Variants in SH3RF3 observed in about 807,000 individuals in gnomAD.
The protein encoded by SH3RF3 is E3 ubiquitin-protein ligase SH3RF3.
In SH3RF3, 29 loss-of-function variants were observed where a neutral mutation model predicts 66.3. That is an observed-to-expected ratio of 0.44 (90% CI 0.33 to 0.60). SH3RF3 has a LOEUF of 0.60. SH3RF3 is among the 20% of genes least tolerant of loss of function. The probability of loss-of-function intolerance (pLI) is 0.04; values close to 1 mark genes in which losing one functional copy is unlikely to be tolerated. For synonymous variants in SH3RF3, 583 were observed against 532.0 expected, an observed-to-expected ratio of 1.10 and a Z score of -1.32; for missense variants, 1,194 against 1,190.9, an observed-to-expected ratio of 1.00 and a Z score of -0.04.
intron 1 of SH3RF3, among the ~76,000 whole-genome samples, chr2:109,197,336 A>AGAAGGGAAGG (rs151267295): frequency 2.0e-5 from 3 of 152,140 alleles, no homozygotes; most frequent in African/African-American, 7.2e-5. Context: ...GGAGGGGTTA[A>AGAAGGGAAGG]GAAGGGAAGG....
intron 1 of SH3RF3, among the ~76,000 whole-genome samples, chr2:109,322,194 A>G (rs1386600690): frequency 3.3e-5 from 5 of 152,212 alleles, no homozygotes; most frequent in African/African-American, 9.6e-5. Context: ...CGCCCCTTCA[A>G]GCATTCTGGA....
chr2:109,231,851 AG>A (rs926167638), intron 1 of SH3RF3, among the ~76,000 whole-genome samples: 5 of 152,194 alleles, frequency 3.3e-5, no homozygotes, highest in African/African-American at 1.2e-4. Context: ...TTTGCCATTA[AG>A]AAAAACAGCT....
At chr2:109,268,592 G>A (rs1055551968) in intron 1 of SH3RF3, among the ~76,000 whole-genome samples, 4 of 152,242 alleles carry the variant, frequency 2.6e-5, no homozygotes, top group Admixed American at 2.6e-4. Context: ...CCAGGGAGAG[G>A]TCCCCCACTG....
Position 109,129,260 on chromosome 2 carries a change from G to A in SH3RF3, c.-281G>A. The stretch of plus-strand genomic sequence containing the variant: ...CACCCCCGGTCCCCCGCGCGGGGCG[G>A]ACTTGCGGCGGGACAGGTGTAGCCC... On this transcript the variant is annotated 5_prime_UTR_variant, in exon 1 of 10. Transcript: ENST00000309415. The A allele has an allele frequency of 1.7e-6, 1 of 591,106 alleles. No homozygotes were observed. Among genetic ancestry groups the A allele is most frequent in the Non-Finnish European group, 3.0e-6 (1 of 333,984 alleles). 36.6% of individuals were successfully genotyped at this position (591,106 alleles called of 1,614,324 possible). A position where few individuals can be genotyped will look rare whatever the true frequency, so the allele number is the denominator to read the frequency against.
At chr2:109,221,543 G>A (rs1679241400) in intron 1 of SH3RF3, among the ~76,000 whole-genome samples, 1 of 146,264 alleles carries the variant, frequency 6.8e-6, no homozygotes, top group Non-Finnish European at 1.5e-5. Flanking sequence ...GATCGCGCCA[G>A]TGCACTCCAG....
rs1015989235 is a variant in SH3RF3 at position 109,419,761 on chromosome 2, T to C, written c.1403+119T>C. 29 of 893,976 alleles carry C rather than the reference T, an allele frequency of 3.2e-5. No homozygotes were observed. The African/African-American group carries it at 4.7e-4, about 14-fold the overall frequency. 55.4% of individuals were successfully genotyped at this position (893,976 alleles called of 1,614,324 possible). On this transcript the variant is annotated intron_variant, in intron 5 of 9. Coordinates refer to ENST00000309415, the MANE Select transcript of SH3RF3 (RefSeq NM_001099289.3). ...CCCATGTGTTACTAGTTGGCCAGTA[T>C]AGTTATGTGCGTCTAATAACACCGC...
chr2:109,455,079 C>T (rs1678002122), intron 8 of SH3RF3, among the ~76,000 whole-genome samples: 1 of 152,174 alleles, frequency 6.6e-6, no homozygotes, highest in African/African-American at 2.4e-5. Context: ...AGAGACTTGC[C>T]TGGGGCCACA....
chr2:109,449,403 G>A lies in SH3RF3; in HGVS notation c.2062G>A (p.Glu688Lys). The A allele has an allele frequency of 6.2e-7, 1 of 1,613,456 alleles. No individual in the cohort carries two copies. The change falls in exon 8 of 10, where the codon GAG (glutamate) becomes AAG (lysine). Residue 688 changes from glutamate to lysine, a missense_variant. Physicochemically the swap from Glu to Lys is moderately conservative, Grantham distance 56. Transcript: ENST00000309415. ...CGTCAGTGCCGCAAACCTCAACGGG[G>A]AGGCTGGAGGGGGGCCCATCGGTGT... is the stretch of plus-strand genomic sequence containing the variant. ...PNVSAANLNG[E>K]AGGGPIGVLS...
chr2:109,373,654 G>A (rs1288102184), intron 3 of SH3RF3, among the ~76,000 whole-genome samples: 1 of 152,176 alleles, frequency 6.6e-6, no homozygotes, highest in Non-Finnish European at 1.5e-5. Flanking sequence ...GATTCTGACT[G>A]GAAGAGGTAA....
chr2:109,317,001 A>C (rs1681901360), intron 1 of SH3RF3, among the ~76,000 whole-genome samples: 1 of 152,000 alleles, frequency 6.6e-6, no homozygotes, highest in Non-Finnish European at 1.5e-5. Flanking sequence ...TTTATCACTG[A>C]ATAACACTCC....
At chr2:109,165,862 A>G (rs1348799039) in intron 1 of SH3RF3, among the ~76,000 whole-genome samples, 2 of 152,242 alleles carry the variant, frequency 1.3e-5, no homozygotes, top group Non-Finnish European at 2.9e-5. Context: ...TCAGTGCTCT[A>G]CGTGTGCCCA....
intron 1 of SH3RF3, among the ~76,000 whole-genome samples, chr2:109,342,024 G>C (rs985711878): frequency 6.6e-6 from 1 of 152,188 alleles, no homozygotes; most frequent in African/African-American, 2.4e-5. Flanking sequence ...GGTCTCACCC[G>C]CCGGGGCCTA....
chr2:109,333,695 CAAATTCTGA>C (rs1682339877), intron 1 of SH3RF3, among the ~76,000 whole-genome samples: 1 of 152,190 alleles, frequency 6.6e-6, no homozygotes, highest in South Asian at 2.1e-4. Flanking sequence ...GATAAGAGCA[CAAATTCTGA>C]AACCAAACTG....
intron 8 of SH3RF3, among the ~76,000 whole-genome samples, chr2:109,472,017 G>C (rs1411229486): frequency 6.6e-6 from 1 of 152,188 alleles, no homozygotes; most frequent in Non-Finnish European, 1.5e-5. Context: ...CCCCTGCACT[G>C]TGTGGCCCTG....
intron 4 of SH3RF3, among the ~76,000 whole-genome samples, chr2:109,405,354 TCC>T (rs752549278): frequency 1.2e-3 from 186 of 152,190 alleles, no homozygotes; most frequent in African/African-American, 4.3e-3. Context: ...CCCTTCGTCT[TCC>T]CCAACACTGA....
At position 109,187,855 on chromosome 2, in the gene SH3RF3, C is replaced by T. The variant is rs559371360; in HGVS notation, c.573+57742C>T. On this transcript the variant is annotated intron_variant, in intron 1 of 9. Coordinates refer to ENST00000309415, the MANE Select transcript of SH3RF3 (RefSeq NM_001099289.3). ...GGACCCCATTCTCAGCTTATCAGCA[C>T]GGACTGGGTGCTCTCTTCCTGCCGC... 2.0e-4 allele frequency among the ~76,000 whole-genome samples: 30 copies of T among 152,336 alleles called. 1 individual carries two copies. In the South Asian group the frequency reaches 2.9e-3, roughly 15 times the overall value.
At chr2:109,297,716 A>G (rs1453042199) in intron 1 of SH3RF3, among the ~76,000 whole-genome samples, 4 of 132,676 alleles carry the variant, frequency 3.0e-5, no homozygotes, top group East Asian at 2.3e-4. Context: ...ATGCCCCCCA[A>G]CTGGGTCCGT....
intron 8 of SH3RF3, among the ~76,000 whole-genome samples, chr2:109,485,610 T>C (rs762576298): frequency 1.3e-5 from 2 of 152,180 alleles, no homozygotes; most frequent in Non-Finnish European, 2.9e-5. Flanking sequence ...CTGTATAGAG[T>C]GTAGTATGAA....
At chr2:109,200,430 T>C (rs1216529835) in intron 1 of SH3RF3, among the ~76,000 whole-genome samples, 2 of 152,196 alleles carry the variant, frequency 1.3e-5, no homozygotes, top group Admixed American at 6.5e-5. Flanking sequence ...ATGGCTTCTG[T>C]GTCCTGTGTG....
Sources: allele counts gnomAD v4.1 joint callset (sites outside exome capture counted in the v4.1 genomes callset), GRCh38; gene constraint gnomAD v4.1.1; transcripts MANE v1.5; gene names NCBI Gene and HGNC (gene_info 2026-07-23, HGNC 2026-07-21).